Variants in PEX13 observed in about 807,000 individuals in gnomAD.
PEX13 encodes peroxisome biogenesis factor 13.
In PEX13, 28 loss-of-function variants were observed where a neutral mutation model predicts 34.5. The ratio of observed to expected loss-of-function variants is 0.81; its 90% CI spans 0.60 to 1.11. PEX13 has a LOEUF of 1.11. Ranked by LOEUF, PEX13 falls within the 50% of genes most tolerant of loss-of-function variation. PEX13 has a pLI of 0.00. For missense variants in PEX13, 550 were observed against 491.0 expected (o/e 1.12, Z -1.13); for synonymous variants, 177 against 175.1 (o/e 1.01, Z -0.09).
At chr2:61,019,116 A>G (rs1680190576) in intron 1 of PEX13, 1 of 152,292 alleles carries the variant, frequency 6.6e-6, no homozygotes, top group Non-Finnish European at 1.5e-5. Flanking sequence ...GGTGTTTCGC[A>G]TACCCAGTAA....
At chr2:61,034,844 C>G (rs1336159992) in intron 2 of PEX13, among the ~76,000 whole-genome samples, 1 of 152,264 alleles carries the variant, frequency 6.6e-6, no homozygotes, top group Admixed American at 6.5e-5. Context: ...CCCACCACAG[C>G]TCAGCAAGGA....
intron 2 of PEX13, among the ~76,000 whole-genome samples, chr2:61,034,518 GA>G (rs1393059091): frequency 6.6e-6 from 1 of 152,200 alleles, no homozygotes. Context: ...CTTCACCCAG[GA>G]AGCACAAGGG....
Position 61,045,769 on chromosome 2 carries a change from C to T in PEX13, c.831C>T (p.Ala277=), listed in dbSNP as rs751807871. ...GTGGTGAGGATGACCATGTAGTTGC[C>T]AGAGCAGAATATGATTTTGCTGCCG... ...WASGEDDHVV[A]RAEYDFAAVS... is the part of the protein sequence containing the mutation. The change falls in exon 3 of 4, where the codon GCC becomes GCT. Residue 277 remains alanine, a synonymous_variant. Transcript: ENST00000295030. 1.2e-6 allele frequency: 2 copies of T among 1,612,700 alleles called. No homozygotes were observed. Among genetic ancestry groups the T allele is most frequent in the East Asian group, 4.5e-5 (2 of 44,844 alleles).
intron 1 of PEX13, among the ~76,000 whole-genome samples, chr2:61,030,605 T>C (rs1680434246): frequency 6.6e-6 from 1 of 152,210 alleles, no homozygotes; most frequent in Non-Finnish European, 1.5e-5. Context: ...TGGGCTATTG[T>C]GCTGTTGGCC....
intron 2 of PEX13, among the ~76,000 whole-genome samples, chr2:61,036,963 AAAAG>A (rs1680546062): frequency 6.6e-6 from 1 of 152,218 alleles, no homozygotes; most frequent in African/African-American, 2.4e-5. Context: ...AAGCAAAAAA[AAAAG>A]CAGGAGTTGC....
chr2:61,019,827 T>C (rs1680218930), intron 1 of PEX13, among the ~76,000 whole-genome samples: 2 of 152,206 alleles, frequency 1.3e-5, no homozygotes, highest in African/African-American at 4.8e-5. Flanking sequence ...ATTGCGCTCT[T>C]TACACTTAGT....
At chr2:61,044,936 T>G (rs1680683407) in intron 2 of PEX13, among the ~76,000 whole-genome samples, 1 of 152,198 alleles carries the variant, frequency 6.6e-6, no homozygotes, top group Non-Finnish European at 1.5e-5. Flanking sequence ...TGGACCTCCA[T>G]GCAAGCACAA....
intron 3 of PEX13, 64 bp from the exon 4 acceptor site, chr2:61,048,402 TTTACCA>T: frequency 3.1e-6 from 4 of 1,270,450 alleles, no homozygotes; most frequent in Non-Finnish European, 4.6e-6. Context: ...AATGTGATAT[TTTACCA>T]TTACTATTCT....
rs192998541 is a variant in PEX13 at position 61,025,849 on chromosome 2, A to C, written c.93-5570A>C. Among the ~76,000 whole-genome samples the C allele has an allele frequency of 5.6e-4, 86 of 152,312 alleles. 1 individual carries two copies. Among genetic ancestry groups the C allele is most frequent in the African/African-American group, 1.8e-3 (75 of 41,560 alleles). On this transcript the variant is annotated intron_variant, in intron 1 of 3. Transcript: ENST00000295030. ...AACTTGGTTTTCATTCCTGCCAGGT[A>C]GTCCATTTCCTGTTAACCTTTTCAC...
intron 1 of PEX13, among the ~76,000 whole-genome samples, chr2:61,020,268 AT>A (rs1392702419): frequency 6.6e-6 from 1 of 151,576 alleles, no homozygotes; most frequent in Non-Finnish European, 1.5e-5. Context: ...CCTCCATGAA[AT>A]TTTTTTCCAT....
intron 2 of PEX13, among the ~76,000 whole-genome samples, chr2:61,041,445 A>T (rs1410043598): frequency 6.6e-6 from 1 of 152,206 alleles, no homozygotes; most frequent in Non-Finnish European, 1.5e-5. Flanking sequence ...GAACCATATT[A>T]TTGCTACATT....
intron 1 of PEX13, among the ~76,000 whole-genome samples, chr2:61,029,910 GTAAT>G (rs1292374967): frequency 2.6e-5 from 4 of 151,964 alleles, no homozygotes; most frequent in Non-Finnish European, 5.9e-5. Flanking sequence ...TACAGTATAA[GTAAT>G]TACATACATT....
At chr2:61,030,670 A>G (rs1680435138) in intron 1 of PEX13, among the ~76,000 whole-genome samples, 1 of 152,348 alleles carries the variant, frequency 6.6e-6, no homozygotes, top group East Asian at 1.9e-4. Context: ...TTAAACAGAA[A>G]CATATAAAAT....
In PEX13 at chr2:61,018,232, G is replaced by T. The variant is rs1274716294; in HGVS notation, c.92+381G>T. On this transcript the variant is annotated intron_variant, in intron 1 of 3. Coordinates refer to ENST00000295030, the MANE Select transcript of PEX13 (RefSeq NM_002618.4). The stretch of plus-strand genomic sequence containing the variant: ...TGAGAGCGGCATTTGTCCAGCCACG[G>T]CATCGACAGGGAGCAAAGTCTCTCC... The T allele has an allele frequency of 1.3e-5, 20 of 1,550,984 alleles. No individual in the cohort carries two copies. In the East Asian group the frequency reaches 2.4e-4, roughly 19 times the overall value.
At chr2:61,027,877 CATTTTTAAATATCAG>C (rs1680387329) in intron 1 of PEX13, among the ~76,000 whole-genome samples, 2 of 151,954 alleles carry the variant, frequency 1.3e-5, no homozygotes, top group South Asian at 4.1e-4. Context: ...AGTTTTGTTC[CATTTTTAAATATCAG>C]ATCCAATAAA....
At chr2:61,025,549 G>A (rs941399993) in intron 1 of PEX13, among the ~76,000 whole-genome samples, 1 of 152,030 alleles carries the variant, frequency 6.6e-6, no homozygotes, top group Non-Finnish European at 1.5e-5. Flanking sequence ...AGTAGAGACA[G>A]GGTTTCGCCA....
chr2:61,042,389 G>C (rs1198899069), intron 2 of PEX13, among the ~76,000 whole-genome samples: 13 of 151,932 alleles, frequency 8.6e-5, no homozygotes, highest in Non-Finnish European at 4.4e-5. Context: ...TACTACAGTG[G>C]GTTTTTTTTG....
intron 2 of PEX13, among the ~76,000 whole-genome samples, chr2:61,037,420 C>T (rs1680554129): frequency 6.6e-6 from 1 of 152,208 alleles, no homozygotes; most frequent in Admixed American, 6.5e-5. Context: ...AACAAACTGT[C>T]TCTCAGACCA....
intron 2 of PEX13, among the ~76,000 whole-genome samples, chr2:61,043,332 TAAA>T (rs36040457): frequency 8.1e-5 from 6 of 73,706 alleles, no homozygotes; most frequent in African/African-American, 1.2e-4. Flanking sequence ...CTGTCTCTAC[TAAA>T]AAAAAAAAAA....
Sources: allele counts gnomAD v4.1 joint callset (sites outside exome capture counted in the v4.1 genomes callset), GRCh38; gene constraint gnomAD v4.1.1; transcripts MANE v1.5; gene names NCBI Gene and HGNC (gene_info 2026-07-23, HGNC 2026-07-21).